NFIC: variants seen among roughly 807,000 people sequenced by gnomAD.
NFIC encodes nuclear factor I C.
NFIC carries 12 observed loss-of-function variants against 54.4 expected under a neutral mutation model. The observed-to-expected ratio is 0.22, with a 90% CI of 0.14 to 0.36. The LOEUF is 0.36. NFIC is among the 10% of genes least tolerant of loss of function. The pLI, the probability that NFIC is intolerant of heterozygous loss-of-function variation, is 1.00. For missense variants in NFIC, 575 were observed against 718.2 expected (o/e 0.80, Z 2.28); for synonymous variants, 322 against 319.2 (o/e 1.01, Z -0.09).
intron 10 of NFIC, among the ~76,000 whole-genome samples, chr19:3,461,054 G>A (rs1044121536): frequency 3.3e-4 from 50 of 151,892 alleles, no homozygotes; most frequent in African/African-American, 1.2e-3. Context: ...GAACCCGGGA[G>A]GCAGAGGTTG....
chr19:3,427,013 G>A (rs909673882), intron 3 of NFIC, among the ~76,000 whole-genome samples: 3 of 142,692 alleles, frequency 2.1e-5, no homozygotes, highest in East Asian at 2.1e-4. Context: ...TGCCATCCCC[G>A]CCTCCTAGGT....
intron 7 of NFIC, among the ~76,000 whole-genome samples, chr19:3,451,478 C>G (rs982307233): frequency 6.6e-6 from 1 of 151,750 alleles, no homozygotes; most frequent in African/African-American, 2.4e-5. Context: ...ACTAAAAATA[C>G]AAAAAATTAA....
At chr19:3,409,161 C>T (rs1333792386) in intron 2 of NFIC, among the ~76,000 whole-genome samples, 2 of 152,200 alleles carry the variant, frequency 1.3e-5, no homozygotes, top group African/African-American at 2.4e-5. Flanking sequence ...CCTCTCCGTT[C>T]GTTCCTCTTT....
At chr19:3,407,140 G>A (rs975761687) in intron 2 of NFIC, among the ~76,000 whole-genome samples, 2 of 152,180 alleles carry the variant, frequency 1.3e-5, no homozygotes, top group African/African-American at 4.8e-5. Context: ...TTGAGGTGGA[G>A]TCTCGCTCTG....
In NFIC at chr19:3,463,278, G is replaced by T. The variant is rs913529787; in HGVS notation, c.*509G>T. 19 of 989,618 alleles carry T rather than the reference G, an allele frequency of 1.9e-5. No individual in the cohort carries two copies. The highest frequency in any genetic ancestry group is 2.2e-5 in the Non-Finnish European group (18 of 833,224). 61.3% of individuals were successfully genotyped at this position (989,618 alleles called of 1,614,324 possible). A position where few individuals can be genotyped will look rare whatever the true frequency, so the allele number is the denominator to read the frequency against. ...CAAGGCCACCTCTCCCCGGGCCCCC[G>T]CGCCTCTGCCGGACACGGACCGGCC... is the stretch of plus-strand genomic sequence containing the variant. On this transcript the variant is annotated 3_prime_UTR_variant, in exon 11 of 11. Coordinates refer to ENST00000443272, the MANE Select transcript of NFIC (RefSeq NM_001245002.2).
At chr19:3,410,495 C>G (rs1247674891) in intron 2 of NFIC, 2 of 152,264 alleles carry the variant, frequency 1.3e-5, no homozygotes, top group Middle Eastern at 3.2e-3. Context: ...GGAGGAACAG[C>G]GAGGAGGCCC....
intron 10 of NFIC, among the ~76,000 whole-genome samples, chr19:3,460,489 G>A (rs934414851): frequency 3.9e-5 from 6 of 152,122 alleles, no homozygotes; most frequent in Non-Finnish European, 5.9e-5. Flanking sequence ...TCATTAAAGA[G>A]GAGAATTTTT....
chr19:3,459,159 C>A lies in NFIC; in HGVS notation c.1509+2524C>A, dbSNP rs1372094959. The stretch of plus-strand genomic sequence containing the variant: ...GCCTCCTCTATTCCTGGCGGATTCG[C>A]TTCCCTCTGCCCCCTCCTCCCCCAA... On this transcript the variant is annotated intron_variant, in intron 10 of 10. Transcript: ENST00000443272. The surrounding 1 kb of genome is among the most constrained non-coding windows in gnomAD (Gnocchi z 4.2). Among the ~76,000 whole-genome samples, 1 of 152,074 alleles carries A rather than the reference C, an allele frequency of 6.6e-6. No individual in the cohort carries two copies. Among genetic ancestry groups the A allele is most frequent in the Non-Finnish European group, 1.5e-5 (1 of 67,974 alleles).
At chr19:3,414,617 A>ATAAAG (rs2081820786) in intron 2 of NFIC, among the ~76,000 whole-genome samples, 1 of 147,288 alleles carries the variant, frequency 6.8e-6, no homozygotes, top group Non-Finnish European at 1.5e-5. Flanking sequence ...ATAAAATAAA[A>ATAAAG]TAAAATAAAA....
At chr19:3,407,592 G>A (rs2081674411) in intron 2 of NFIC, among the ~76,000 whole-genome samples, 2 of 151,958 alleles carry the variant, frequency 1.3e-5, no homozygotes, top group Non-Finnish European at 2.9e-5. Context: ...GCACCACCAC[G>A]CCTGGCTAAT....
Position 3,366,628 on chromosome 19 carries a change from G to T in NFIC, c.-9G>T. 2 of 1,498,746 alleles carry T rather than the reference G, an allele frequency of 1.3e-6. No homozygotes were observed. Among genetic ancestry groups the T allele is most frequent in the Non-Finnish European group, 1.8e-6 (2 of 1,130,212 alleles). 92.8% of individuals were successfully genotyped at this position (1,498,746 alleles called of 1,614,324 possible). A position where few individuals can be genotyped will look rare whatever the true frequency, so the allele number is the denominator to read the frequency against. Reference sequence around the variant, plus strand: ...TCCGGCCGGCCCTGCGCCTCCCGCCGCGCCCGGGATGTATTCGTCCCCGCT... The same window carrying T: ...TCCGGCCGGCCCTGCGCCTCCCGCCTCGCCCGGGATGTATTCGTCCCCGCT... On this transcript the variant is annotated 5_prime_UTR_variant, in exon 1 of 11. Coordinates refer to ENST00000443272, the MANE Select transcript of NFIC (RefSeq NM_001245002.2).
intron 6 of NFIC, among the ~76,000 whole-genome samples, chr19:3,444,179 TAGA>T (rs1308521156): frequency 1.8e-5 from 2 of 111,684 alleles, no homozygotes; most frequent in African/African-American, 7.1e-5. Flanking sequence ...TTTTGTCAAA[TAGA>T]GGAGGTCAGA....
rs2081084980 is a variant in NFIC, at chr19:3,375,185, T to A, written c.31-6527T>A. On this transcript the variant is annotated intron_variant, in intron 1 of 10. Coordinates refer to ENST00000443272, the MANE Select transcript of NFIC (RefSeq NM_001245002.2). This position sits in a 1 kb window ranked among gnomAD's most constrained non-coding sequence, Gnocchi z 4.6. Reference sequence around the variant, plus strand: ...GGGGGGACAGTGATCCCTGCCCCCATCATGGATGCCTCCCCTGTCCCTTCC... The same window carrying A: ...GGGGGGACAGTGATCCCTGCCCCCAACATGGATGCCTCCCCTGTCCCTTCC... Among the ~76,000 whole-genome samples the A allele has an allele frequency of 6.6e-6, 1 of 151,998 alleles. No individual in the cohort carries two copies. Among genetic ancestry groups the A allele is most frequent in the Admixed American group, 6.5e-5 (1 of 15,270 alleles).
At chr19:3,442,380 C>CT (rs10622379) in intron 6 of NFIC, among the ~76,000 whole-genome samples, 1,551 of 132,630 alleles carry the variant, frequency 0.012, 24 homozygotes, top group Middle Eastern at 0.039. Context: ...CTTCCCATCC[C>CT]TTTTTTTTTT....
chr19:3,467,762 T>TATATATATATATATATAC lies in NFIC; in HGVS notation c.*5010_*5011insCATATATATATATATATA, dbSNP rs2082735514. ...CCAGTGTAGGGCTATACTATACATA[T>TATATATATATATATATAC]ATATATATATATATATATATATATA... On this transcript the variant is annotated 3_prime_UTR_variant, in exon 11 of 11. Transcript: ENST00000443272. The TATATATATATATATATAC allele has an allele frequency of 8.4e-6, 1 of 119,430 alleles. No homozygotes were observed. The highest frequency in any genetic ancestry group is 2.5e-4 in the South Asian group (1 of 3,958). 7.4% of individuals were successfully genotyped at this position (119,430 alleles called of 1,614,324 possible).
chr19:3,452,400 A>G lies in NFIC; in HGVS notation c.1085-82A>G. On this transcript the variant is annotated intron_variant, in intron 7 of 10. Transcript: ENST00000443272. The surrounding 1 kb of genome is among the most constrained non-coding windows in gnomAD (Gnocchi z 5.3). ...GCACTGAGATGCCGGCAGGAATGACACCCACAGACACACAGTCACACGGTC... is the reference window on the plus strand; with the variant it reads ...GCACTGAGATGCCGGCAGGAATGACGCCCACAGACACACAGTCACACGGTC... 2.6e-6 allele frequency: 4 copies of G among 1,531,692 alleles called. No individual in the cohort carries two copies. The South Asian group carries it at 4.6e-5, about 18-fold the overall frequency. 94.9% of individuals were successfully genotyped at this position (1,531,692 alleles called of 1,614,324 possible).
chr19:3,404,696 G>C (rs2081615693), intron 2 of NFIC, among the ~76,000 whole-genome samples: 1 of 152,196 alleles, frequency 6.6e-6, no homozygotes, highest in Admixed American at 6.5e-5. Context: ...AGAAACATCT[G>C]GAACAGGGGA....
chr19:3,450,742 A>G (rs1475794321), intron 7 of NFIC, among the ~76,000 whole-genome samples: 3 of 152,282 alleles, frequency 2.0e-5, no homozygotes, highest in African/African-American at 7.2e-5. Context: ...AGCCTCAAAT[A>G]TTGCTTACCA....
intron 2 of NFIC, among the ~76,000 whole-genome samples, chr19:3,404,772 C>G (rs1188213937): frequency 6.6e-6 from 1 of 152,242 alleles, no homozygotes; most frequent in Non-Finnish European, 1.5e-5. Flanking sequence ...CCCAGAGCGT[C>G]CCCAGCACGG....
Sources: gnomAD v4.1 joint callset for allele counts (sites outside exome capture counted in the v4.1 genomes callset) on GRCh38, gnomAD v4.1.1 for gene constraint, Gnocchi (gnomAD v3.1) non-coding constraint, MANE v1.5 for transcripts, NCBI Gene and HGNC (gene_info 2026-07-23, HGNC 2026-07-21) for gene names.